The following ANKS1B variants were observed in gnomAD, a reference collection of about 807,000 sequenced individuals.
ANKS1B encodes ankyrin repeat and sterile alpha motif domain containing 1B.
In ANKS1B, 36 loss-of-function variants were observed where a neutral mutation model predicts 148.3. The ratio of observed to expected loss-of-function variants is 0.24; its 90% CI spans 0.19 to 0.32. ANKS1B has a LOEUF of 0.32. ANKS1B is among the 10% of genes least tolerant of loss of function. ANKS1B has a pLI of 1.00. For missense variants in ANKS1B, 1,157 were observed against 1,542.6 expected (o/e 0.75, Z 4.19); for synonymous variants, 542 against 560.8 (o/e 0.97, Z 0.47).
intron 9 of ANKS1B, among the ~76,000 whole-genome samples, chr12:99,606,566 AAAAG>A (rs2097853044): frequency 2.0e-5 from 3 of 151,370 alleles, no homozygotes; most frequent in South Asian, 2.1e-4. Flanking sequence ...ATATCTTATA[AAAAG>A]AAGACGCCAA....
intron 12 of ANKS1B, among the ~76,000 whole-genome samples, chr12:99,398,397 A>C (rs1233065348): frequency 6.6e-6 from 1 of 152,180 alleles, no homozygotes; most frequent in Admixed American, 6.5e-5. Flanking sequence ...AACAAAGATT[A>C]TATGGAATAC....
At chr12:99,592,518 T>C (rs1567428987) in intron 9 of ANKS1B, among the ~76,000 whole-genome samples, 1 of 151,654 alleles carries the variant, frequency 6.6e-6, no homozygotes, top group Admixed American at 6.6e-5. Context: ...TTTTTATTTA[T>C]ATACTTGGCC....
At chr12:99,242,435 G>C (rs2089521171) in intron 14 of ANKS1B, among the ~76,000 whole-genome samples, 1 of 152,120 alleles carries the variant, frequency 6.6e-6, no homozygotes, top group Non-Finnish European at 1.5e-5. Context: ...TCATGGATAA[G>C]AAGAATCAAT....
chr12:99,249,030 A>G (rs1208792768), intron 12 of ANKS1B, among the ~76,000 whole-genome samples: 1 of 152,134 alleles, frequency 6.6e-6, no homozygotes, highest in Admixed American at 6.6e-5. Context: ...TCTTGTTCCA[A>G]TGCATTTTTT....
At chr12:99,552,244 A>C (rs77152371) in intron 9 of ANKS1B, among the ~76,000 whole-genome samples, 3 of 152,230 alleles carry the variant, frequency 2.0e-5, no homozygotes, top group African/African-American at 4.8e-5. Flanking sequence ...CTTCCAAAAA[A>C]GATTACGAGT....
At chr12:99,466,211 A>G (rs1221649598) in intron 10 of ANKS1B, among the ~76,000 whole-genome samples, 3 of 152,202 alleles carry the variant, frequency 2.0e-5, no homozygotes, top group African/African-American at 4.8e-5. Context: ...CGAAATGAAG[A>G]CAGAAATAAA....
intron 24 of ANKS1B, among the ~76,000 whole-genome samples, chr12:98,778,192 G>A (rs2098699570): frequency 6.6e-6 from 1 of 152,196 alleles, no homozygotes; most frequent in South Asian, 2.1e-4. Context: ...AATATGAACA[G>A]TAGGCTGGGC....
rs114271830 is a variant in ANKS1B at position 99,728,553 on chromosome 12, G to A, written c.1128+44369C>T. 4.0e-3 allele frequency among the ~76,000 whole-genome samples: 602 copies of A among 152,280 alleles called. 3 individuals are homozygous for A. Among genetic ancestry groups the A allele is most frequent in the African/African-American group, 0.014 (580 of 41,578 alleles). ...GAATGTAAATTAGTCCAACCATTGTGGACGACAGTATGGCAATTCGTCAAG... is the reference window on the plus strand; with the variant it reads ...GAATGTAAATTAGTCCAACCATTGTAGACGACAGTATGGCAATTCGTCAAG... On this transcript the variant is annotated intron_variant, in intron 8 of 26. Coordinates refer to ENST00000683438, the MANE Select transcript of ANKS1B (RefSeq NM_001352186.2).
chr12:99,684,008 G>C (rs1357338488), intron 8 of ANKS1B, among the ~76,000 whole-genome samples: 2 of 152,050 alleles, frequency 1.3e-5, no homozygotes, highest in Non-Finnish European at 2.9e-5. Context: ...ATATTATACT[G>C]AATGGGGAAA....
intron 8 of ANKS1B, among the ~76,000 whole-genome samples, chr12:99,732,425 T>C (rs1031423090): frequency 6.6e-6 from 1 of 152,156 alleles, no homozygotes; most frequent in Non-Finnish European, 1.5e-5. Flanking sequence ...AAACATGTTG[T>C]AGTATAGCCT....
intron 19 of ANKS1B, among the ~76,000 whole-genome samples, chr12:98,815,161 A>C (rs989213414): frequency 1.3e-5 from 2 of 152,202 alleles, no homozygotes; most frequent in East Asian, 3.9e-4. Context: ...AAATTGCTAT[A>C]ACATCTTCCA....
At chr12:99,662,801 T>A (rs935390233) in intron 8 of ANKS1B, among the ~76,000 whole-genome samples, 3 of 152,142 alleles carry the variant, frequency 2.0e-5, no homozygotes, top group Non-Finnish European at 4.4e-5. Flanking sequence ...CCCTCCCCTA[T>A]CAATATTTTT....
chr12:99,409,685 G>C (rs958363897), intron 11 of ANKS1B, among the ~76,000 whole-genome samples: 1 of 151,886 alleles, frequency 6.6e-6, no homozygotes, highest in Non-Finnish European at 1.5e-5. Flanking sequence ...ATATCTATGT[G>C]GAGAAATGGA....
Position 99,602,341 on chromosome 12 carries a change from G to A in ANKS1B, c.1272+52726C>T, listed in dbSNP as rs141095552. ...ATAATGGTTGTGTCTAATTTGAGGA[G>A]GTGGTATTGCAGGTAGGCCTCCACC... On this transcript the variant is annotated intron_variant, in intron 9 of 26. Coordinates refer to ENST00000683438, the MANE Select transcript of ANKS1B (RefSeq NM_001352186.2). Among the ~76,000 whole-genome samples the A allele has an allele frequency of 1.9e-4, 29 of 152,152 alleles. No individual in the cohort carries two copies. The East Asian group carries it at 5.6e-3, about 29-fold the overall frequency.
chr12:98,759,677 T>G (rs2098354273), intron 25 of ANKS1B, among the ~76,000 whole-genome samples: 1 of 152,178 alleles, frequency 6.6e-6, no homozygotes, highest in Admixed American at 6.5e-5. Context: ...TTCATTAAAG[T>G]GTTTAAATTT....
intron 9 of ANKS1B, among the ~76,000 whole-genome samples, chr12:99,531,121 A>G (rs1453751921): frequency 6.6e-6 from 1 of 152,174 alleles, no homozygotes; most frequent in Admixed American, 6.5e-5. Context: ...TTTTGTGGCT[A>G]CACTTGACTA....
At chr12:99,763,079 T>C (rs2062305415) in intron 8 of ANKS1B, among the ~76,000 whole-genome samples, 1 of 152,112 alleles carries the variant, frequency 6.6e-6, no homozygotes, top group South Asian at 2.1e-4. Flanking sequence ...ATAGAAATAG[T>C]TTGGAGACTT....
chr12:99,141,845 T>C (rs1030755362), intron 15 of ANKS1B, among the ~76,000 whole-genome samples: 1 of 152,070 alleles, frequency 6.6e-6, no homozygotes, highest in Non-Finnish European at 1.5e-5. Flanking sequence ...GGCATTTCGG[T>C]TGATTCTCAT....
intron 9 of ANKS1B, among the ~76,000 whole-genome samples, chr12:99,556,341 G>A (rs2153184973): frequency 6.6e-6 from 1 of 151,966 alleles, no homozygotes; most frequent in Admixed American, 6.6e-5. Flanking sequence ...TAGTATTCCG[G>A]CTAGTGGGTC....
Sources: allele counts gnomAD v4.1 joint callset (sites outside exome capture counted in the v4.1 genomes callset), GRCh38; gene constraint gnomAD v4.1.1; transcripts MANE v1.5; gene names NCBI Gene and HGNC (gene_info 2026-07-23, HGNC 2026-07-21).